PIK3C2A: variants seen among roughly 807,000 people sequenced by gnomAD.
PIK3C2A encodes the protein phosphatidylinositol-4-phosphate 3-kinase catalytic subunit type 2 alpha, also known as phosphatidylinositol 4-phosphate 3-kinase C2 domain-containing subunit alpha.
In PIK3C2A, 97 loss-of-function variants were observed where a neutral mutation model predicts 204.5. That is an observed-to-expected ratio of 0.47 (90% CI 0.40 to 0.56). The LOEUF is 0.56. Among genes scored for constraint, PIK3C2A ranks in the 20% least tolerant of loss-of-function variants. The probability of loss-of-function intolerance (pLI) is 0.00; values close to 1 mark genes in which losing one functional copy is unlikely to be tolerated. For missense variants in PIK3C2A, 1,735 were observed against 1,969.2 expected (o/e 0.88, Z 2.25); for synonymous variants, 653 against 664.4 (o/e 0.98, Z 0.26).
At chr11:17,151,790 T>C (rs1358661759) in intron 3 of PIK3C2A, among the ~76,000 whole-genome samples, 1 of 152,170 alleles carries the variant, frequency 6.6e-6, no homozygotes, top group South Asian at 2.1e-4. Context: ...ATAACTGAGT[T>C]AGTGAAGGAA....
At chr11:17,179,491 C>T (rs1220155197) in intron 1 of PIK3C2A, among the ~76,000 whole-genome samples, 1 of 151,998 alleles carries the variant, frequency 6.6e-6, no homozygotes, top group Non-Finnish European at 1.5e-5. Context: ...AGGTCTTATC[C>T]TTTATAACTT....
At chr11:17,110,623 C>T in intron 21 of PIK3C2A, 62 bp from the exon 22 acceptor site, 1 of 1,455,324 alleles carries the variant, frequency 6.9e-7, no homozygotes, top group Non-Finnish European at 9.3e-7. Flanking sequence ...AGATTACATA[C>T]TATGAAAGCT....
chr11:17,157,879 C>T (rs1202632356), intron 2 of PIK3C2A, among the ~76,000 whole-genome samples: 1 of 152,168 alleles, frequency 6.6e-6, no homozygotes, highest in African/African-American at 2.4e-5. Context: ...TGGTTTCACA[C>T]TCCAAATCTG....
rs150571835 is a variant in PIK3C2A, at chr11:17,140,418, C to T, written c.1705-3793G>A. 2.3e-4 allele frequency among the ~76,000 whole-genome samples: 35 copies of T among 152,166 alleles called. 1 individual carries two copies. Among genetic ancestry groups the T allele is most frequent in the African/African-American group, 7.7e-4 (32 of 41,516 alleles). On this transcript the variant is annotated intron_variant, in intron 8 of 32. Transcript: ENST00000691414. ...AAATTATAAAGTTTAAGTCCAAATG[C>T]TAATCATTTGGCAAATAAACAAAAT...
In PIK3C2A at chr11:17,113,781, CA is replaced by C. The variant is rs1283891348; in HGVS notation, c.3321+579del. 7.8e-3 allele frequency among the ~76,000 whole-genome samples: 602 copies of C among 76,922 alleles called. 1 individual carries two copies. The highest frequency in any genetic ancestry group is 0.013 in the Admixed American group (80 of 6,358). The allele number at this position is 76,922 out of a possible 152,430, so 50.5% of individuals were successfully genotyped here. ...TGAGTGACAGAGCAAGACTCCATCT[CA>C]AAAAAAAAAAAAAAAAAGGCCAGGC... On this transcript the variant is annotated intron_variant, in intron 20 of 32. Transcript: ENST00000691414.
chr11:17,145,676 GA>G lies in PIK3C2A; in HGVS notation c.1695del (p.Gln566LysfsTer9). The G allele has an allele frequency of 6.3e-7, 1 of 1,595,508 alleles. No homozygotes were observed. The highest frequency in any genetic ancestry group is 8.6e-7 in the Non-Finnish European group (1 of 1,165,566). On this transcript the variant is annotated frameshift_variant, in exon 8 of 33. Coordinates refer to ENST00000691414, the MANE Select transcript of PIK3C2A (RefSeq NM_002645.4). LOFTEE classifies it high-confidence loss of function. ...TGTGAATTAAGACTTACTTCAATTT[GA>G]AGAGCCAGTTCTACTTGGTTGTGAT... Reference protein sequence around the residue: ...DSYHNQVELALQIENQHRAVD... With the variant: ...DSYHNQVELAXQIENQHRAVD...
intron 1 of PIK3C2A, among the ~76,000 whole-genome samples, chr11:17,196,632 C>T (rs1165333088): frequency 1.3e-5 from 2 of 152,082 alleles, no homozygotes; most frequent in Non-Finnish European, 2.9e-5. Context: ...TGCAGTGGCT[C>T]GATCTCCGCT....
chr11:17,143,565 T>C (rs1253872625), intron 8 of PIK3C2A, among the ~76,000 whole-genome samples: 1 of 151,682 alleles, frequency 6.6e-6, no homozygotes, highest in Non-Finnish European at 1.5e-5. Context: ...ACAATCTCTG[T>C]TCCAACTACT....
intron 1 of PIK3C2A, among the ~76,000 whole-genome samples, chr11:17,174,210 T>C (rs965563419): frequency 1.3e-5 from 2 of 152,182 alleles, no homozygotes; most frequent in African/African-American, 2.4e-5. Flanking sequence ...TATGGATATA[T>C]GGTAGGAAAA....
intron 3 of PIK3C2A, among the ~76,000 whole-genome samples, chr11:17,151,276 T>C (rs577763219): frequency 2.6e-5 from 4 of 152,308 alleles, no homozygotes; most frequent in African/African-American, 9.6e-5. Context: ...ATGAATGTGG[T>C]GTATGGCTCA....
intron 12 of PIK3C2A, 55 bp from the exon 13 acceptor site, chr11:17,129,522 T>A: frequency 9.1e-7 from 1 of 1,095,586 alleles, no homozygotes; most frequent in Non-Finnish European, 1.4e-6. Context: ...ATTTTGAAAT[T>A]TAACACTTTA....
intron 13 of PIK3C2A, among the ~76,000 whole-genome samples, chr11:17,123,146 C>A (rs1312595526): frequency 1.3e-5 from 2 of 152,124 alleles, no homozygotes; most frequent in Non-Finnish European, 2.9e-5. Flanking sequence ...TGAAGATTTT[C>A]TACAAAGAAA....
chr11:17,118,545 C>A, intron 18 of PIK3C2A, 100 bp downstream of exon 18: 1 of 604,110 alleles, frequency 1.7e-6, no homozygotes. Flanking sequence ...ATCTTGTATC[C>A]ACAATAAGTA....
chr11:17,154,044 T>C (rs1370887152), intron 3 of PIK3C2A, among the ~76,000 whole-genome samples: 1 of 152,260 alleles, frequency 6.6e-6, no homozygotes, highest in Non-Finnish European at 1.5e-5. Context: ...TCATTCTCTC[T>C]TTAGTCCATT....
intron 2 of PIK3C2A, among the ~76,000 whole-genome samples, chr11:17,168,005 T>C (rs214937): frequency 0.43 from 64,852 of 151,734 alleles, 14,182 homozygotes; most frequent in Non-Finnish European, 0.47. Flanking sequence ...AACCAAAATT[T>C]CTTATTTGCA....
At chr11:17,108,387 T>C (rs2137305937) in intron 22 of PIK3C2A, among the ~76,000 whole-genome samples, 1 of 152,244 alleles carries the variant, frequency 6.6e-6, no homozygotes, top group South Asian at 2.1e-4. Flanking sequence ...TAGGATTTCG[T>C]GAGACCAGTT....
At chr11:17,180,547 C>T (rs931218445) in intron 1 of PIK3C2A, among the ~76,000 whole-genome samples, 5 of 151,212 alleles carry the variant, frequency 3.3e-5, no homozygotes, top group East Asian at 1.9e-4. Context: ...AAAGGCTAGG[C>T]GCAGTGGCTC....
intron 12 of PIK3C2A, among the ~76,000 whole-genome samples, chr11:17,131,419 A>ATTTTTTTTTTTT (rs68020564): frequency 1.3e-5 from 1 of 79,466 alleles, no homozygotes; most frequent in Non-Finnish European, 2.8e-5. Flanking sequence ...AGGGTATTTC[A>ATTTTTTTTTTTT]TTTTTTTTTT....
At chr11:17,112,274 A>G (rs1332722519) in intron 21 of PIK3C2A, among the ~76,000 whole-genome samples, 1 of 152,104 alleles carries the variant, frequency 6.6e-6, no homozygotes, top group Non-Finnish European at 1.5e-5. Context: ...CAACATGGCG[A>G]AACCCCGTCT....
Sources: gnomAD v4.1 joint callset for allele counts (sites outside exome capture counted in the v4.1 genomes callset) on GRCh38, gnomAD v4.1.1 for gene constraint, MANE v1.5 for transcripts, NCBI Gene and HGNC (gene_info 2026-07-23, HGNC 2026-07-21) for gene names.